The following C2orf76 variants were observed in gnomAD, a reference collection of about 807,000 sequenced individuals.
C2orf76 encodes chromosome 2 open reading frame 76.
In C2orf76, 23 loss-of-function variants were observed where a neutral mutation model predicts 16.9. The observed-to-expected ratio is 1.36, with a 90% CI of 0.98 to 1.93. The LOEUF (loss-of-function observed/expected upper bound fraction) is 1.93, where lower values mean the gene tolerates loss of function less well. Among genes scored for constraint, C2orf76 ranks in the 30% most tolerant of loss-of-function variants. The pLI is 0.00. For synonymous variants in C2orf76, 48 were observed against 52.3 expected, an observed-to-expected ratio of 0.92 and a Z score of 0.35; for missense variants, 152 against 152.6, an observed-to-expected ratio of 1.00 and a Z score of 0.02.
chr2:119,307,457 C>T (rs532909650), intron 5 of C2orf76, among the ~76,000 whole-genome samples: 1 of 150,536 alleles, frequency 6.6e-6, no homozygotes, highest in Admixed American at 6.6e-5. Flanking sequence ...AAAAAAAAAT[C>T]ACATTTCAAG....
chr2:119,328,762 C>CA (rs2104580843), intron 2 of C2orf76, among the ~76,000 whole-genome samples: 1 of 152,212 alleles, frequency 6.6e-6, no homozygotes, highest in East Asian at 1.9e-4. Context: ...ATTTTACATG[C>CA]ATCCCACAAA....
chr2:119,351,025 T>C (rs938584074), intron 1 of C2orf76, among the ~76,000 whole-genome samples: 11 of 152,228 alleles, frequency 7.2e-5, no homozygotes, highest in Admixed American at 3.9e-4. Flanking sequence ...GTAGTAGTTA[T>C]GGTTTATAAA....
intron 2 of C2orf76, among the ~76,000 whole-genome samples, chr2:119,336,333 T>C (rs1679845160): frequency 1.3e-5 from 2 of 152,118 alleles, no homozygotes; most frequent in Non-Finnish European, 2.9e-5. Context: ...CCAGAGGTTG[T>C]TAGCCGAGAC....
chr2:119,317,362 T>C (rs1486675905), intron 4 of C2orf76, 104 bp downstream of exon 4: 2 of 784,792 alleles, frequency 2.5e-6, no homozygotes, highest in East Asian at 3.1e-5. Context: ...AGCGCTATTA[T>C]AATGGGAAAT....
intron 1 of C2orf76, among the ~76,000 whole-genome samples, chr2:119,355,765 G>A (rs890710667): frequency 6.6e-6 from 1 of 152,142 alleles, no homozygotes; most frequent in Non-Finnish European, 1.5e-5. Flanking sequence ...TGAAAAAACT[G>A]TCTTCCATGA....
At chr2:119,282,915 C>T in the C2orf76 span, among the ~76,000 whole-genome samples, 14 of 152,286 alleles carry the variant, frequency 9.2e-5, no homozygotes, top group Admixed American at 2.6e-4. Flanking sequence ...CTCAAGGCTG[C>T]GGGGGGAAAC....
intron 2 of C2orf76, among the ~76,000 whole-genome samples, chr2:119,325,505 G>GCTACT (rs1302654481): frequency 6.8e-6 from 1 of 147,250 alleles, no homozygotes; most frequent in Non-Finnish European, 1.5e-5. Context: ...TGTAGTCCCA[G>GCTACT]CTACTCAGGA....
the C2orf76 span, among the ~76,000 whole-genome samples, chr2:119,284,567 C>T: frequency 5.9e-5 from 9 of 152,054 alleles, no homozygotes; most frequent in Non-Finnish European, 7.4e-5. Context: ...TACCTCCACC[C>T]CAAAAATACC....
At chr2:119,329,267 G>A (rs1382707481) in intron 2 of C2orf76, among the ~76,000 whole-genome samples, 2 of 152,128 alleles carry the variant, frequency 1.3e-5, no homozygotes, top group Non-Finnish European at 2.9e-5. Context: ...TCATTATGAA[G>A]TGATAGTTTT....
intron 1 of C2orf76, 143 bp from the exon 2 acceptor site, chr2:119,340,114 G>T: frequency 1.1e-6 from 1 of 888,870 alleles, no homozygotes; most frequent in Non-Finnish European, 1.7e-6. Flanking sequence ...CCAAACAGAA[G>T]CCAGGTTCCA....
chr2:119,341,166 T>A (rs1680018189), intron 1 of C2orf76, among the ~76,000 whole-genome samples: 1 of 152,014 alleles, frequency 6.6e-6, no homozygotes, highest in African/African-American at 2.4e-5. Context: ...CTTTCTATAT[T>A]TTTTTTAATC....
chr2:119,289,926 G>C, the C2orf76 span, among the ~76,000 whole-genome samples: 310 of 152,056 alleles, frequency 2.0e-3, 3 homozygotes, highest in Non-Finnish European at 3.3e-3. Flanking sequence ...TTTTTATTCT[G>C]TCTGCTGCCT....
At chr2:119,281,170 A>G in the C2orf76 span, among the ~76,000 whole-genome samples, 3 of 152,206 alleles carry the variant, frequency 2.0e-5, no homozygotes, top group African/African-American at 7.2e-5. Flanking sequence ...TCGGTGTTAC[A>G]CAGGAAAACT....
chr2:119,319,694 A>G (rs960045036), intron 3 of C2orf76, among the ~76,000 whole-genome samples: 1 of 151,930 alleles, frequency 6.6e-6, no homozygotes, highest in African/African-American at 2.4e-5. Context: ...AAATGGGAGG[A>G]GGGCTCTGAG....
the C2orf76 span, among the ~76,000 whole-genome samples, chr2:119,294,274 T>C: frequency 2.0e-5 from 3 of 152,274 alleles, no homozygotes; most frequent in African/African-American, 7.2e-5. Context: ...CAGAATCCTA[T>C]TCCTGTGGCA....
chr2:119,357,552 AG>A (rs1187414437), intron 1 of C2orf76, among the ~76,000 whole-genome samples: 1 of 150,934 alleles, frequency 6.6e-6, no homozygotes, highest in East Asian at 2.0e-4. Context: ...ACAAGAAAAG[AG>A]GGGAACATCT....
At chr2:119,322,759 T>C (rs1017028948) in intron 2 of C2orf76, among the ~76,000 whole-genome samples, 2 of 151,256 alleles carry the variant, frequency 1.3e-5, no homozygotes, top group East Asian at 1.9e-4. Context: ...GCTAAAGAGA[T>C]ATGAGAGAAC....
intron 3 of C2orf76, among the ~76,000 whole-genome samples, chr2:119,317,946 C>T (rs55722543): frequency 0.31 from 47,453 of 151,998 alleles, 7,857 homozygotes; most frequent in Non-Finnish European, 0.38. Flanking sequence ...AATGATGATA[C>T]AGGTGTTGCC....
At chr2:119,310,466 G>T (rs2104544714) in intron 5 of C2orf76, among the ~76,000 whole-genome samples, 1 of 152,228 alleles carries the variant, frequency 6.6e-6, no homozygotes, top group Middle Eastern at 3.4e-3. Flanking sequence ...GAAGATCTAT[G>T]TCAGGAATTC....
Sources: gnomAD v4.1 joint callset for allele counts (sites outside exome capture counted in the v4.1 genomes callset) on GRCh38, gnomAD v4.1.1 for gene constraint, MANE v1.5 for transcripts, NCBI Gene and HGNC (gene_info 2026-07-23, HGNC 2026-07-21) for gene names.